The following SORCS1 variants were observed in gnomAD, a reference collection of about 807,000 sequenced individuals.
SORCS1 encodes sortilin related VPS10 domain containing receptor 1.
In SORCS1, 60 loss-of-function variants were observed where a neutral mutation model predicts 146.1. That is an observed-to-expected ratio of 0.41 (90% CI 0.33 to 0.51). The LOEUF is 0.51. SORCS1 is among the 20% of genes least tolerant of loss of function. SORCS1 has a pLI of 0.21. For missense variants in SORCS1, 1,352 were observed against 1,487.6 expected, an observed-to-expected ratio of 0.91 and a Z score of 1.50; for synonymous variants, 637 against 584.0, an observed-to-expected ratio of 1.09 and a Z score of -1.31.
chr10:107,144,206 T>C (rs1179988646), intron 1 of SORCS1, among the ~76,000 whole-genome samples: 1 of 152,184 alleles, frequency 6.6e-6, no homozygotes, highest in African/African-American at 2.4e-5. Context: ...CTCACCTTAC[T>C]CCACTCCCAT....
intron 1 of SORCS1, among the ~76,000 whole-genome samples, chr10:106,957,180 T>G (rs1193500049): frequency 6.7e-6 from 1 of 149,048 alleles, no homozygotes; most frequent in Non-Finnish European, 1.5e-5. Flanking sequence ...TTTTGTTTTT[T>G]TTTTTGGAGA....
Position 106,808,060 on chromosome 10 carries a change from G to A in SORCS1, c.726+21514C>T, listed in dbSNP as rs901371615. On this transcript the variant is annotated intron_variant, in intron 3 of 25. Transcript: ENST00000263054. ...TTTTTGATGGAGTTTCGCTCTTGTT[G>A]CCCAGGCTGGAGCGCAATGGCGCGA... Among the ~76,000 whole-genome samples the A allele has an allele frequency of 1.4e-4, 22 of 152,236 alleles. 2 individuals carry two copies. Among genetic ancestry groups the A allele is most frequent in the Admixed American group, 1.0e-3 (16 of 15,298 alleles).
chr10:106,790,951 G>C (rs1223474970), intron 3 of SORCS1, among the ~76,000 whole-genome samples: 1 of 152,252 alleles, frequency 6.6e-6, no homozygotes, highest in East Asian at 1.9e-4. Flanking sequence ...CCCCAAAAAC[G>C]TACTCAGAAT....
intron 2 of SORCS1, among the ~76,000 whole-genome samples, chr10:106,842,292 G>A (rs1949083850): frequency 6.6e-6 from 1 of 152,176 alleles, no homozygotes; most frequent in Non-Finnish European, 1.5e-5. Context: ...GGAGTGCAAT[G>A]GCATGACCTT....
intron 23 of SORCS1, among the ~76,000 whole-genome samples, chr10:106,598,236 ATATTATTAT>A (rs10579142): frequency 0.019 from 2,729 of 140,464 alleles, 29 homozygotes; most frequent in African/African-American, 0.027. Context: ...CACTCCTATT[ATATTATTAT>A]TATTATTATT....
chr10:107,044,272 GA>G (rs1228600249), intron 1 of SORCS1, among the ~76,000 whole-genome samples: 1 of 151,728 alleles, frequency 6.6e-6, no homozygotes, highest in Non-Finnish European at 1.5e-5. Context: ...CAAGGAAAAG[GA>G]AAAGAAAGAA....
At chr10:106,661,860 G>A (rs1850755189) in intron 17 of SORCS1, among the ~76,000 whole-genome samples, 1 of 152,222 alleles carries the variant, frequency 6.6e-6, no homozygotes, top group Non-Finnish European at 1.5e-5. Context: ...CCCAGTACCA[G>A]CCTCCTTGCT....
chr10:106,822,352 G>C (rs1050442028), intron 3 of SORCS1, among the ~76,000 whole-genome samples: 17 of 152,148 alleles, frequency 1.1e-4, no homozygotes, highest in African/African-American at 4.1e-4. Flanking sequence ...TTTTCTCTAT[G>C]TTCCAAAGAG....
At chr10:106,677,990 T>C (rs534020215) in intron 12 of SORCS1, among the ~76,000 whole-genome samples, 1 of 152,210 alleles carries the variant, frequency 6.6e-6, no homozygotes. Flanking sequence ...TCTGTTGTCA[T>C]CTTTGGGTAC....
At chr10:106,763,286 G>A (rs1375736237) in intron 4 of SORCS1, among the ~76,000 whole-genome samples, 1 of 152,030 alleles carries the variant, frequency 6.6e-6, no homozygotes, top group Non-Finnish European at 1.5e-5. Context: ...GAATTGTTGG[G>A]CGCCAGCGTT....
intron 16 of SORCS1, among the ~76,000 whole-genome samples, chr10:106,669,567 CCCTGTGAATGCATT>C (rs1308014296): frequency 6.6e-6 from 1 of 152,162 alleles, no homozygotes; most frequent in Non-Finnish European, 1.5e-5. Flanking sequence ...TGGTAGTTTT[CCCTGTGAATGCATT>C]TCAGGATGTT....
chr10:106,772,948 G>A (rs987519698), intron 4 of SORCS1, among the ~76,000 whole-genome samples: 20 of 152,118 alleles, frequency 1.3e-4, no homozygotes, highest in Non-Finnish European at 1.2e-4. Context: ...AAAAAGCAAT[G>A]TCAGGGAGAT....
chr10:106,595,224 T>C (rs1011092773), intron 24 of SORCS1, among the ~76,000 whole-genome samples: 2 of 152,202 alleles, frequency 1.3e-5, no homozygotes, highest in Non-Finnish European at 2.9e-5. Context: ...TTACCAGCAA[T>C]AGCAGTTTAT....
intron 2 of SORCS1, among the ~76,000 whole-genome samples, chr10:106,899,817 C>T (rs1404455248): frequency 2.0e-5 from 3 of 152,084 alleles, no homozygotes; most frequent in African/African-American, 4.8e-5. Flanking sequence ...TCAACAATTA[C>T]CACTTGCCCA....
intron 3 of SORCS1, among the ~76,000 whole-genome samples, chr10:106,783,472 T>C (rs754192880): frequency 8.5e-5 from 13 of 152,188 alleles, no homozygotes; most frequent in Non-Finnish European, 1.6e-4. Flanking sequence ...TAGTACTTTA[T>C]GTTCTGCTAA....
intron 2 of SORCS1, among the ~76,000 whole-genome samples, chr10:106,865,144 T>C (rs1442559710): frequency 6.6e-6 from 1 of 151,830 alleles, no homozygotes; most frequent in Admixed American, 6.6e-5. Flanking sequence ...TGATGACAGC[T>C]GCTATACAAA....
chr10:106,779,545 A>ATTTTTTTTTT lies in SORCS1; in HGVS notation c.727-2854_727-2853insAAAAAAAAAA, dbSNP rs1491495992. ...TCTTTTAAGTTTGACATTATGGCCCATATTTTTTTTTTTTTTTTTTTTGAG... is the reference window on the plus strand; with the variant it reads ...TCTTTTAAGTTTGACATTATGGCCCATTTTTTTTTTTATTTTTTTTTTTTTTTTTTTTGAG... On this transcript the variant is annotated intron_variant, in intron 3 of 25. Transcript: ENST00000263054. 2.6e-5 allele frequency among the ~76,000 whole-genome samples: 3 copies of ATTTTTTTTTT among 116,732 alleles called. 1 individual carries two copies. The highest frequency in any genetic ancestry group is 6.4e-5 in the African/African-American group (2 of 31,352). 76.6% of individuals were successfully genotyped at this position (116,732 alleles called of 152,430 possible). A position where few individuals can be genotyped will look rare whatever the true frequency, so the allele number is the denominator to read the frequency against.
Position 106,589,079 on chromosome 10 carries a change from G to A in SORCS1, c.3265+8272C>T, listed in dbSNP as rs140078339. ...TTCTAACTATGGGGCAGGGTTTCAT[G>A]TATCTCAAATGCTTTGAGGGAACTA... is the stretch of plus-strand genomic sequence containing the variant. On this transcript the variant is annotated intron_variant, in intron 24 of 25. Coordinates refer to ENST00000263054, the MANE Select transcript of SORCS1 (RefSeq NM_052918.5). 6.4e-4 allele frequency among the ~76,000 whole-genome samples: 97 copies of A among 152,232 alleles called. No individual in the cohort carries two copies. The Middle Eastern group carries it at 0.01, about 16-fold the overall frequency.
rs1846218647 is a variant in SORCS1, at chr10:106,601,157, A to G, written c.3166-3707T>C. Among the ~76,000 whole-genome samples, 3 of 152,226 alleles carry G rather than the reference A, an allele frequency of 2.0e-5. No individual in the cohort carries two copies. In the South Asian group the frequency reaches 6.2e-4, roughly 32 times the overall value. On this transcript the variant is annotated intron_variant, in intron 23 of 25. Transcript: ENST00000263054. ...GGAAAGTATGGCAACAGCCTAAATG[A>G]GAAGAAAAACACTTGCCTGATAGAG...
Sources: allele counts gnomAD v4.1 joint callset (sites outside exome capture counted in the v4.1 genomes callset), GRCh38; gene constraint gnomAD v4.1.1; transcripts MANE v1.5; gene names NCBI Gene and HGNC (gene_info 2026-07-23, HGNC 2026-07-21).